PCDH15: variants seen among roughly 807,000 people sequenced by gnomAD.
PCDH15 encodes protocadherin related 15.
In PCDH15, 129 loss-of-function variants were observed where a neutral mutation model predicts 178.5. That is an observed-to-expected ratio of 0.72 (90% CI 0.63 to 0.84). PCDH15 has a LOEUF of 0.84. PCDH15 is among the 40% of genes least tolerant of loss of function. The probability of loss-of-function intolerance (pLI) is 0.00; values close to 1 mark genes in which losing one functional copy is unlikely to be tolerated. For missense variants in PCDH15, 2,230 were observed against 2,099.9 expected (o/e 1.06, Z -1.21); for synonymous variants, 800 against 732.0 (o/e 1.09, Z -1.50).
chr10:54,051,399 G>A (rs2093770938), intron 18 of PCDH15, among the ~76,000 whole-genome samples: 1 of 152,180 alleles, frequency 6.6e-6, no homozygotes, highest in African/African-American at 2.4e-5. Flanking sequence ...TGACCAAAAT[G>A]CTGGTAGTGA....
rs186693774 is a variant in PCDH15, at chr10:53,981,328, A to G, written c.2868+14321T>C. ...TCATGAGAATATAATTAATTACTAC[A>G]GAAGGTAATTGCATACCTGTATGAA... On this transcript the variant is annotated intron_variant, in intron 21 of 37. Coordinates refer to ENST00000644397, the MANE Select transcript of PCDH15 (RefSeq NM_001384140.1). 3.7e-4 allele frequency among the ~76,000 whole-genome samples: 56 copies of G among 152,364 alleles called. No individual in the cohort carries two copies. The East Asian group carries it at 0.01, about 28-fold the overall frequency.
intron 8 of PCDH15, among the ~76,000 whole-genome samples, chr10:54,257,139 T>C (rs1431354378): frequency 2.1e-5 from 3 of 146,028 alleles, no homozygotes; most frequent in African/African-American, 5.6e-5. Flanking sequence ...ATGGACTGAT[T>C]TTTTTAGGTA....
chr10:55,256,046 T>A (rs527658872), intron 1 of PCDH15, among the ~76,000 whole-genome samples: 12 of 152,208 alleles, frequency 7.9e-5, no homozygotes, highest in African/African-American at 2.2e-4. Context: ...CTGAATGGTA[T>A]TGCCTAGGTT....
At chr10:53,997,257 C>T (rs748325768) in intron 20 of PCDH15, among the ~76,000 whole-genome samples, 56 of 151,926 alleles carry the variant, frequency 3.7e-4, no homozygotes, top group Non-Finnish European at 4.0e-4. Flanking sequence ...GTAAATGAAC[C>T]GAGAAGTTTT....
chr10:54,558,880 CAT>C (rs1439554411), intron 2 of PCDH15, among the ~76,000 whole-genome samples: 2 of 152,012 alleles, frequency 1.3e-5, no homozygotes, highest in African/African-American at 4.8e-5. Context: ...ATTTTGTATA[CAT>C]GTTTGTTTCT....
chr10:55,344,470 G>T (rs1844689249), intron 2 of PCDH15, among the ~76,000 whole-genome samples: 1 of 151,932 alleles, frequency 6.6e-6, no homozygotes, highest in African/African-American at 2.4e-5. Context: ...CAATGAGAAG[G>T]GGTCAAACAC....
chr10:55,080,295 T>A (rs1842004247), intron 2 of PCDH15, among the ~76,000 whole-genome samples: 1 of 152,164 alleles, frequency 6.6e-6, no homozygotes, highest in Admixed American at 6.5e-5. Context: ...AGCAGTGGCA[T>A]TAGATTCTCA....
chr10:54,847,497 T>G (rs1453295359), intron 3 of PCDH15, among the ~76,000 whole-genome samples: 1 of 152,050 alleles, frequency 6.6e-6, no homozygotes, highest in East Asian at 1.9e-4. Flanking sequence ...ACACTCAGAG[T>G]AACTCTGTCC....
intron 2 of PCDH15, among the ~76,000 whole-genome samples, chr10:55,055,835 A>G (rs1357318972): frequency 1.3e-5 from 2 of 152,108 alleles, no homozygotes; most frequent in African/African-American, 4.8e-5. Context: ...AAAAGAAAAG[A>G]AAGAAAGAAA....
At chr10:55,275,293 ACTTTAGTGTCT>A (rs752862466) in intron 1 of PCDH15, among the ~76,000 whole-genome samples, 163 of 151,938 alleles carry the variant, frequency 1.1e-3, no homozygotes, top group Non-Finnish European at 2.0e-3. Context: ...TTCTACTCCC[ACTTTAGTGTCT>A]CTTGATTATT....
chr10:55,564,787 A>T (rs1842268257), intron 2 of PCDH15, among the ~76,000 whole-genome samples: 1 of 151,746 alleles, frequency 6.6e-6, no homozygotes, highest in Non-Finnish European at 1.5e-5. Flanking sequence ...TAATATATTA[A>T]TAAAAGGTTC....
chr10:55,159,166 A>C (rs1838983859), intron 2 of PCDH15, among the ~76,000 whole-genome samples: 1 of 151,884 alleles, frequency 6.6e-6, no homozygotes, highest in South Asian at 2.1e-4. Context: ...TAAAAGTTTT[A>C]CAACTCCTTC....
intron 2 of PCDH15, among the ~76,000 whole-genome samples, chr10:55,072,203 C>A (rs1348196116): frequency 6.6e-6 from 1 of 151,952 alleles, no homozygotes; most frequent in African/African-American, 2.4e-5. Flanking sequence ...AAAGCAAGAG[C>A]AAACACATTC....
chr10:53,851,864 G>C (rs2078401328), intron 28 of PCDH15, among the ~76,000 whole-genome samples: 1 of 150,982 alleles, frequency 6.6e-6, no homozygotes, highest in African/African-American at 2.4e-5. Context: ...CACATTTCAG[G>C]TGCTACATAA....
intron 1 of PCDH15, among the ~76,000 whole-genome samples, chr10:54,794,777 A>G (rs1474150489): frequency 3.3e-5 from 5 of 151,934 alleles, no homozygotes; most frequent in African/African-American, 9.7e-5. Context: ...AGATAAATTC[A>G]ACAACACATC....
intron 28 of PCDH15, among the ~76,000 whole-genome samples, chr10:53,855,546 T>A (rs2078665862): frequency 6.6e-6 from 1 of 152,086 alleles, no homozygotes; most frequent in African/African-American, 2.4e-5. Flanking sequence ...ATAATTGTTA[T>A]GAATCATATA....
rs147170400 is a variant in PCDH15, at chr10:53,895,662, G to A, written c.3501+7581C>T. ...ACATCTCCCTGTATTTGCAATAAAT[G>A]CTATTTTTGCAGTTAAGACAACATG... On this transcript the variant is annotated intron_variant, in intron 26 of 37. Coordinates refer to ENST00000644397, the MANE Select transcript of PCDH15 (RefSeq NM_001384140.1). Among the ~76,000 whole-genome samples the A allele has an allele frequency of 1.6e-4, 25 of 152,220 alleles. No individual in the cohort carries two copies. The East Asian group carries it at 4.3e-3, about 26-fold the overall frequency.
At chr10:55,359,742 A>ATG in intron 2 of PCDH15, among the ~76,000 whole-genome samples, 1 of 118,168 alleles carries the variant, frequency 8.5e-6, no homozygotes, top group East Asian at 2.1e-4. Context: ...ATATATATAT[A>ATG]TATATACACA....
At chr10:54,608,575 C>T (rs959099993) in intron 2 of PCDH15, among the ~76,000 whole-genome samples, 20 of 152,128 alleles carry the variant, frequency 1.3e-4, no homozygotes, top group African/African-American at 4.8e-4. Context: ...CATGCCACTG[C>T]ACTCCAGCCT....
Sources: gnomAD v4.1 joint callset for allele counts (sites outside exome capture counted in the v4.1 genomes callset) on GRCh38, gnomAD v4.1.1 for gene constraint, MANE v1.5 for transcripts, NCBI Gene and HGNC (gene_info 2026-07-23, HGNC 2026-07-21) for gene names.